Variants in ARHGAP15 observed in about 807,000 individuals in gnomAD.
The protein encoded by ARHGAP15 is Rho GTPase activating protein 15.
ARHGAP15 carries 51 observed loss-of-function variants against 63.7 expected under a neutral mutation model. That is an observed-to-expected ratio of 0.80 (90% CI 0.64 to 1.01). ARHGAP15 has a LOEUF of 1.01. ARHGAP15 is among the 50% of genes least tolerant of loss of function. The pLI is 0.00. For missense variants in ARHGAP15, 560 were observed against 564.6 expected (o/e 0.99, Z 0.08); for synonymous variants, 191 against 193.8 (o/e 0.99, Z 0.12).
chr2:143,693,798 A>G (rs1473504871), intron 12 of ARHGAP15, among the ~76,000 whole-genome samples: 1 of 152,230 alleles, frequency 6.6e-6, no homozygotes, highest in Non-Finnish European at 1.5e-5. Context: ...ATAACTTACT[A>G]ACAGTCTGAA....
At chr2:143,148,030 A>G (rs1208768485) in intron 1 of ARHGAP15, among the ~76,000 whole-genome samples, 2 of 152,008 alleles carry the variant, frequency 1.3e-5, no homozygotes, top group Admixed American at 1.3e-4. Context: ...CAAAATCCCA[A>G]TTCTTTAATA....
intron 9 of ARHGAP15, among the ~76,000 whole-genome samples, chr2:143,494,831 T>A (rs1444499283): frequency 1.3e-5 from 2 of 152,238 alleles, no homozygotes; most frequent in Admixed American, 6.5e-5. Flanking sequence ...TATCATATAT[T>A]TTCAAAGGAT....
chr2:143,747,775 C>A (rs1686226160), intron 13 of ARHGAP15, among the ~76,000 whole-genome samples: 1 of 152,200 alleles, frequency 6.6e-6, no homozygotes, highest in Admixed American at 6.5e-5. Flanking sequence ...TTTATCCATT[C>A]ATTATCCATT....
intron 6 of ARHGAP15, among the ~76,000 whole-genome samples, chr2:143,288,215 C>A (rs1303319988): frequency 1.3e-5 from 2 of 152,180 alleles, no homozygotes; most frequent in Non-Finnish European, 2.9e-5. Context: ...GGGAGAGTGT[C>A]ACTCATATGT....
chr2:143,172,445 A>G (rs1025817345), intron 2 of ARHGAP15, among the ~76,000 whole-genome samples: 1 of 152,118 alleles, frequency 6.6e-6, no homozygotes, highest in Non-Finnish European at 1.5e-5. Flanking sequence ...AGCATAGGTT[A>G]GGAGAGGAAG....
chr2:143,590,526 T>C (rs1330566248), intron 11 of ARHGAP15, among the ~76,000 whole-genome samples: 1 of 152,130 alleles, frequency 6.6e-6, no homozygotes, highest in Non-Finnish European at 1.5e-5. Flanking sequence ...TCCAGGTCAC[T>C]CCTCTCTTGA....
chr2:143,608,581 C>T (rs1698131954), intron 11 of ARHGAP15: 2 of 152,108 alleles, frequency 1.3e-5, no homozygotes, highest in South Asian at 4.1e-4. Context: ...AACTACTGGT[C>T]GTCTATTGTG....
intron 8 of ARHGAP15, among the ~76,000 whole-genome samples, chr2:143,479,257 C>T (rs879904764): frequency 2.6e-5 from 4 of 151,760 alleles, no homozygotes; most frequent in East Asian, 1.9e-4. Flanking sequence ...TACTTTTTTG[C>T]GGAAATCTAA....
At chr2:143,594,643 GTAAC>G (rs1697443717) in intron 11 of ARHGAP15, among the ~76,000 whole-genome samples, 2 of 152,090 alleles carry the variant, frequency 1.3e-5, no homozygotes, top group African/African-American at 4.8e-5. Context: ...TGTTTCTGAT[GTAAC>G]TAACCTCTAA....
intron 13 of ARHGAP15, among the ~76,000 whole-genome samples, chr2:143,737,340 G>A (rs1357265565): frequency 6.6e-6 from 1 of 152,154 alleles, no homozygotes; most frequent in Admixed American, 6.5e-5. Flanking sequence ...ACATCCTTCA[G>A]TAGCTGATAT....
intron 6 of ARHGAP15, among the ~76,000 whole-genome samples, chr2:143,353,468 T>C (rs1303509208): frequency 6.6e-6 from 1 of 152,182 alleles, no homozygotes; most frequent in African/African-American, 2.4e-5. Context: ...CTACACTCTT[T>C]AGTTAGGTTA....
intron 9 of ARHGAP15, among the ~76,000 whole-genome samples, chr2:143,493,400 C>T (rs1257602368): frequency 1.3e-5 from 2 of 152,166 alleles, no homozygotes; most frequent in African/African-American, 4.8e-5. Context: ...TGAACATATC[C>T]ATGGGTGGCA....
chr2:143,298,802 A>G (rs2381459), intron 6 of ARHGAP15, among the ~76,000 whole-genome samples: 19,439 of 151,658 alleles, frequency 0.13, 1,646 homozygotes, highest in Non-Finnish European at 0.17. Context: ...TTAATAATTA[A>G]ATTATCAAAG....
Position 143,703,428 on chromosome 2 carries a change from A to G in ARHGAP15, c.1148A>G (p.Asp383Gly). The change falls in exon 13 of 14, where the codon GAC (aspartate) becomes GGC (glycine). Residue 383 changes from aspartate (D) to glycine (G), a missense_variant. Coordinates refer to ENST00000295095, the MANE Select transcript of ARHGAP15 (RefSeq NM_018460.4). ...EQFVEAIKKQ[D>G]NNTRIEAVKS... ...TTATTTTTTTTTCCAGAAAAGCAAG[A>G]CAACAACACAAGAATTGAAGCTGTA... The G allele has an allele frequency of 6.2e-7, 1 of 1,606,020 alleles. No individual in the cohort carries two copies. Among genetic ancestry groups the G allele is most frequent in the Non-Finnish European group, 8.5e-7 (1 of 1,177,752 alleles).
chr2:143,470,319 G>A (rs1273119216), intron 8 of ARHGAP15, among the ~76,000 whole-genome samples: 6 of 150,094 alleles, frequency 4.0e-5, no homozygotes, highest in Non-Finnish European at 8.9e-5. Flanking sequence ...GGAACTGAGA[G>A]CCTGGATCTC....
rs140308675 is a variant in ARHGAP15 at position 143,576,064 on chromosome 2, A to G, written c.1003+19579A>G. ...CACAAACTCACTTAGGTCACTGAGTATATCCATATTCAAATGATATTATAA... is the reference window on the plus strand; with the variant it reads ...CACAAACTCACTTAGGTCACTGAGTGTATCCATATTCAAATGATATTATAA... On this transcript the variant is annotated intron_variant, in intron 11 of 13. Transcript: ENST00000295095. 5.2e-3 allele frequency among the ~76,000 whole-genome samples: 795 copies of G among 152,268 alleles called. 29 individuals carry two copies. The highest frequency in any genetic ancestry group is 0.049 in the Admixed American group (749 of 15,256).
At chr2:143,640,368 T>C (rs1559096650) in intron 12 of ARHGAP15, among the ~76,000 whole-genome samples, 1 of 152,120 alleles carries the variant, frequency 6.6e-6, no homozygotes, top group South Asian at 2.1e-4. Context: ...TTGTTGACAG[T>C]AAATTCAAGA....
chr2:143,750,777 G>T (rs972744928), intron 13 of ARHGAP15, among the ~76,000 whole-genome samples: 7 of 152,164 alleles, frequency 4.6e-5, no homozygotes, highest in African/African-American at 1.7e-4. Context: ...ATATGGTTTT[G>T]AATGTTCCAC....
intron 11 of ARHGAP15, among the ~76,000 whole-genome samples, chr2:143,582,659 C>A (rs182015916): frequency 1.1e-4 from 16 of 152,298 alleles, no homozygotes; most frequent in Admixed American, 8.5e-4. Context: ...GGGTTGGGAA[C>A]AGTAGAACTA....
Sources: allele counts gnomAD v4.1 joint callset (sites outside exome capture counted in the v4.1 genomes callset), GRCh38; gene constraint gnomAD v4.1.1; transcripts MANE v1.5; gene names NCBI Gene and HGNC (gene_info 2026-07-23, HGNC 2026-07-21).